Variants in RNF24 observed in about 807,000 individuals in gnomAD.
The protein encoded by RNF24 is ring finger protein 24.
Under a neutral mutation model 20.0 loss-of-function variants are expected in RNF24, and 14 were observed. That is an observed-to-expected ratio of 0.70 (90% CI 0.46 to 1.10). The LOEUF (loss-of-function observed/expected upper bound fraction) is 1.10. Among genes scored for constraint, RNF24 ranks in the 50% least tolerant of loss-of-function variants. RNF24 has a pLI of 0.00. For synonymous variants in RNF24, 45 were observed against 61.1 expected (o/e 0.74, Z 1.23); for missense variants, 124 against 177.6 (o/e 0.70, Z 1.71).
chr20:3,981,084 T>C (rs1396818668), intron 1 of RNF24, among the ~76,000 whole-genome samples: 1 of 152,008 alleles, frequency 6.6e-6, no homozygotes. Flanking sequence ...CCTTATCACT[T>C]CCTAATTCTG....
intron 1 of RNF24, among the ~76,000 whole-genome samples, chr20:4,007,600 TC>T (rs1981978921): frequency 6.6e-6 from 1 of 151,962 alleles, no homozygotes; most frequent in Non-Finnish European, 1.5e-5. Flanking sequence ...AAATATTTTA[TC>T]AAGTGATCAA....
intron 2 of RNF24, among the ~76,000 whole-genome samples, chr20:3,950,656 T>C (rs2091070896): frequency 6.6e-6 from 1 of 152,234 alleles, no homozygotes; most frequent in Non-Finnish European, 1.5e-5. Flanking sequence ...TATTTTGAAA[T>C]AATTTTAGAC....
chr20:3,956,929 G>A (rs6052189), intron 2 of RNF24, among the ~76,000 whole-genome samples: 1 of 152,314 alleles, frequency 6.6e-6, no homozygotes, highest in Non-Finnish European at 1.5e-5. Flanking sequence ...GGGAGGCTGA[G>A]GTGGGAGGAT....
In RNF24 at chr20:3,953,355, A is replaced by C. The variant is rs1013024984; in HGVS notation, c.144-5076T>G. 2.7e-5 allele frequency among the ~76,000 whole-genome samples: 4 copies of C among 148,798 alleles called. 1 individual carries two copies. Among genetic ancestry groups the C allele is most frequent in the African/African-American group, 9.9e-5 (4 of 40,290 alleles). ...GTTTTAGTAGAGACGAGGTTTCACC[A>C]TATTAGCCAGGATGGTCTCCATCTC... On this transcript the variant is annotated intron_variant, in intron 2 of 5. Transcript: ENST00000358395.
At position 3,945,173 on chromosome 20, in the gene RNF24, T is replaced by C; in HGVS notation, c.228+4A>G. ...TCAAGAGGATTTACTTATCATCAAC[T>C]TACCTCATGTAAATTCAATTCTTTT... On this transcript the variant is annotated splice_donor_region_variant and intron_variant, in intron 4 of 5. Transcript: ENST00000358395. 6.2e-7 allele frequency: 1 copy of C among 1,601,468 alleles called. No homozygotes were observed. Among genetic ancestry groups the C allele is most frequent in the Non-Finnish European group, 8.5e-7 (1 of 1,173,378 alleles).
At chr20:3,940,310 A>G (rs1300583403) in intron 4 of RNF24, among the ~76,000 whole-genome samples, 1 of 152,040 alleles carries the variant, frequency 6.6e-6, no homozygotes, top group African/African-American at 2.4e-5. Context: ...AAAAAACTTA[A>G]TGGATGGGCT....
chr20:4,014,840 C>T (rs375606902), intron 1 of RNF24, among the ~76,000 whole-genome samples: 2 of 152,168 alleles, frequency 1.3e-5, no homozygotes, highest in South Asian at 4.1e-4. Context: ...CCACACACGC[C>T]CCCTGCCCAC....
intron 1 of RNF24, among the ~76,000 whole-genome samples, chr20:4,002,778 T>C (rs1459460067): frequency 1.3e-5 from 2 of 152,160 alleles, no homozygotes. Flanking sequence ...ATACAGTTTT[T>C]ATATAATACA....
Position 3,932,752 on chromosome 20 carries a change from G to C in RNF24, c.*1311C>G, listed in dbSNP as rs1600611793. ...TAAGATGGAGGGAGGCGGAGAGCAG[G>C]GCTGTGGAAAAGAATTTTCCATCTG... On this transcript the variant is annotated 3_prime_UTR_variant, in exon 6 of 6. Coordinates refer to ENST00000358395, the MANE Select transcript of RNF24 (RefSeq NM_001134337.3). 2.0e-5 allele frequency: 8 copies of C among 396,860 alleles called. No homozygotes were observed. In the East Asian group the frequency reaches 2.9e-4, roughly 14 times the overall value. 24.6% of individuals were successfully genotyped at this position (396,860 alleles called of 1,614,324 possible).
At position 3,932,679 on chromosome 20, in the gene RNF24, G is replaced by A. The variant is rs2090838749; in HGVS notation, c.*1384C>T. 2.6e-6 allele frequency: 1 copy of A among 377,624 alleles called. No individual in the cohort carries two copies. The highest frequency in any genetic ancestry group is 4.7e-6 in the Non-Finnish European group (1 of 213,386). 23.4% of individuals were successfully genotyped at this position (377,624 alleles called of 1,614,324 possible). A position where few individuals can be genotyped will look rare whatever the true frequency, so the allele number is the denominator to read the frequency against. ...AAAACTTCCCCCACTCACACCTGTG[G>A]GATGGAGTGGAGCAAAGCAGTTGAC... On this transcript the variant is annotated 3_prime_UTR_variant, in exon 6 of 6. Transcript: ENST00000358395.
chr20:3,959,771 C>T (rs1445202766), intron 2 of RNF24, among the ~76,000 whole-genome samples: 1 of 152,074 alleles, frequency 6.6e-6, no homozygotes, highest in African/African-American at 2.4e-5. Context: ...TGTGTTGGTA[C>T]TTCTTGATTT....
intron 1 of RNF24, among the ~76,000 whole-genome samples, chr20:3,965,316 C>T (rs2091246539): frequency 1.3e-5 from 2 of 152,024 alleles, no homozygotes; most frequent in African/African-American, 4.8e-5. Context: ...TGTAGGTTCC[C>T]AGAAGAGTAT....
intron 1 of RNF24, among the ~76,000 whole-genome samples, chr20:3,968,703 C>T (rs1402418695): frequency 6.6e-6 from 1 of 152,052 alleles, no homozygotes. Flanking sequence ...ACACCTTCTG[C>T]AAAATCTTTT....
chr20:3,944,366 T>C (rs1389296989), intron 4 of RNF24, among the ~76,000 whole-genome samples: 2 of 152,120 alleles, frequency 1.3e-5, no homozygotes, highest in African/African-American at 4.8e-5. Context: ...TATTTAACAA[T>C]AATATGATTA....
At chr20:3,994,053 T>C (rs1980672834) in intron 1 of RNF24, among the ~76,000 whole-genome samples, 1 of 152,248 alleles carries the variant, frequency 6.6e-6, no homozygotes, top group African/African-American at 2.4e-5. Flanking sequence ...ATTGCATTAA[T>C]TGTATCTCTT....
intron 1 of RNF24, among the ~76,000 whole-genome samples, chr20:3,995,032 T>C (rs1012409567): frequency 6.6e-6 from 1 of 152,192 alleles, no homozygotes; most frequent in Non-Finnish European, 1.5e-5. Flanking sequence ...AGCCAGGAAC[T>C]GAGAGCAAAT....
rs989168193 is a variant in RNF24, at chr20:3,931,485, T to C, written c.*2578A>G. 1 of 152,184 alleles carries C rather than the reference T, an allele frequency of 6.6e-6. No individual in the cohort carries two copies. Among genetic ancestry groups the C allele is most frequent in the Non-Finnish European group, 1.5e-5 (1 of 68,040 alleles). The allele number at this position is 152,184 out of a possible 1,614,324, so 9.4% of individuals were successfully genotyped here. A position where few individuals can be genotyped will look rare whatever the true frequency, so the allele number is the denominator to read the frequency against. ...GAGGATGTAAATTAAAAGGCCTGTT[T>C]GTCTGTACAGCAATGCAGATGCGCA... is the stretch of plus-strand genomic sequence containing the variant. On this transcript the variant is annotated 3_prime_UTR_variant, in exon 6 of 6. Transcript: ENST00000358395.
In RNF24 at chr20:3,991,424, T is replaced by G. The variant is rs990261905; in HGVS notation, c.-8+24013A>C. ...TGTGCCACCATGCCCAGCTAATTTT[T>G]TGTATTTTTAGTAGAGATAGGATTT... On this transcript the variant is annotated intron_variant, in intron 1 of 5. Transcript: ENST00000358395. Among the ~76,000 whole-genome samples, 3 of 151,952 alleles carry G rather than the reference T, an allele frequency of 2.0e-5. No individual in the cohort carries two copies. In the East Asian group the frequency reaches 5.8e-4, roughly 29 times the overall value.
intron 1 of RNF24, among the ~76,000 whole-genome samples, chr20:4,007,754 A>AAG (rs1555803214): frequency 6.6e-5 from 10 of 150,864 alleles, no homozygotes; most frequent in South Asian, 6.3e-4. Flanking sequence ...AAAAAAAAAA[A>AAG]AAAGAAAAAA....
Sources: gnomAD v4.1 joint callset for allele counts (sites outside exome capture counted in the v4.1 genomes callset) on GRCh38, gnomAD v4.1.1 for gene constraint, MANE v1.5 for transcripts, NCBI Gene and HGNC (gene_info 2026-07-23, HGNC 2026-07-21) for gene names.